TDRD15: variants seen among roughly 807,000 people sequenced by gnomAD.
TDRD15 encodes the protein tudor domain containing 15.
For missense variants in TDRD15, 1,416 were observed against 904.7 expected (o/e 1.57, Z -7.25); for synonymous variants, 503 against 314.5 (o/e 1.60, Z -6.34).
intron 2 of TDRD15, among the ~76,000 whole-genome samples, chr2:21,132,237 G>A: frequency 6.6e-6 from 1 of 152,146 alleles, no homozygotes; most frequent in East Asian, 1.9e-4. Context: ...TGGTGGTGGT[G>A]ATGGTTAGCT....
At chr2:21,135,138 ATATT>A (rs1026891339) in intron 3 of TDRD15, among the ~76,000 whole-genome samples, 14 of 143,098 alleles carry the variant, frequency 9.8e-5, no homozygotes, top group Non-Finnish European at 4.5e-5. Flanking sequence ...TAAATATTAT[ATATT>A]TATATAATAT....
At chr2:21,136,169 G>T (rs1665803626) in intron 3 of TDRD15, among the ~76,000 whole-genome samples, 1 of 151,910 alleles carries the variant, frequency 6.6e-6, no homozygotes, top group African/African-American at 2.4e-5. Flanking sequence ...TTCATGTAAG[G>T]AATTAATGGG....
Position 21,138,980 on chromosome 2 carries a change from C to G in TDRD15, c.1513C>G (p.Arg505Gly). The G allele has an allele frequency of 1.4e-6, 1 of 712,358 alleles. No individual in the cohort carries two copies. The highest frequency in any genetic ancestry group is 2.6e-6 in the Non-Finnish European group (1 of 383,202). 44.1% of individuals were successfully genotyped at this position (712,358 alleles called of 1,614,324 possible). Residue 505 changes from arginine to glycine, a missense_variant, in exon 4 of 4, where the codon CGG becomes GGG. Transcript: ENST00000405799. Reference sequence around the variant, plus strand: ...TTTCTGGGTACGCACTAATGACCATCGGAATGAATTTCAAGAAATAATGAA... The same window carrying G: ...TTTCTGGGTACGCACTAATGACCATGGGAATGAATTTCAAGAAATAATGAA... ...SNFWVRTNDH[R>G]NEFQEIMKNI...
rs1665868736 is a variant in TDRD15, at chr2:21,139,075, AT to A, written c.1612del (p.Cys538ValfsTer42). 1 of 715,398 alleles carries A rather than the reference AT, an allele frequency of 1.4e-6. No homozygotes were observed. The highest frequency in any genetic ancestry group is 2.0e-5 in the Admixed American group (1 of 49,824). 44.3% of individuals were successfully genotyped at this position (715,398 alleles called of 1,614,324 possible). ...TTCTAAGAAAACCTGAACCTGGATT[AT>A]TTTGTTGTGCTAGATATAGCAAGGA... The part of the protein sequence containing the change: ...MILRKPEPGL[F>X]CCARYSKDRR... On this transcript the variant is annotated frameshift_variant, in exon 4 of 4. Transcript: ENST00000405799. LOFTEE classifies it low-confidence loss of function (END_TRUNC).
intron 2 of TDRD15, among the ~76,000 whole-genome samples, chr2:21,134,053 G>A (rs1043063036): frequency 1.3e-5 from 2 of 151,842 alleles, no homozygotes; most frequent in Non-Finnish European, 2.9e-5. Flanking sequence ...TGTGTTTCTA[G>A]TGGACTTTAC....
rs1256665296 is a variant in TDRD15, at chr2:21,143,959, A to G, written c.*687A>G. Among the ~76,000 whole-genome samples, 1 of 151,784 alleles carries G rather than the reference A, an allele frequency of 6.6e-6. No individual in the cohort carries two copies. ...GCATGACGTTTCACAAATAATTTCA[A>G]GGGTTTCATAAAACTCCTAAATGTC... On this transcript the variant is annotated 3_prime_UTR_variant, in exon 4 of 4. Transcript: ENST00000405799.
At chr2:21,131,275 A>C (rs1665713280) in intron 2 of TDRD15, among the ~76,000 whole-genome samples, 1 of 152,218 alleles carries the variant, frequency 6.6e-6, no homozygotes, top group South Asian at 2.1e-4. Flanking sequence ...TAATATGTCG[A>C]CATATGGAAG....
chr2:21,141,252 C>A lies in TDRD15; in HGVS notation c.3785C>A (p.Ser1262Tyr). The part of the protein sequence containing the change: ...GQKSVKVVSQ[S>Y]FIRALNQTTS... ...AAATCAGTAAAGGTTGTATCACAGT[C>A]TTTTATCAGAGCATTAAATCAAACA... is the stretch of plus-strand genomic sequence containing the variant. The change falls in exon 4 of 4, where the codon TCT becomes TAT. Residue 1262 changes from serine to tyrosine, a missense_variant. Transcript: ENST00000405799. The A allele has an allele frequency of 1.4e-6, 1 of 712,618 alleles. No individual in the cohort carries two copies. Among genetic ancestry groups the A allele is most frequent in the Non-Finnish European group, 2.6e-6 (1 of 383,042 alleles). The allele number at this position is 712,618 out of a possible 1,614,324, so 44.1% of individuals were successfully genotyped here. A position where few individuals can be genotyped will look rare whatever the true frequency, so the allele number is the denominator to read the frequency against.
Position 21,142,763 on chromosome 2 carries a change from C to T in TDRD15, c.5296C>T (p.Leu1766Phe), listed in dbSNP as rs542885496. The T allele has an allele frequency of 2.8e-6, 2 of 714,194 alleles. No homozygotes were observed. Among genetic ancestry groups the T allele is most frequent in the East Asian group, 2.7e-5 (1 of 37,172 alleles). The allele number at this position is 714,194 out of a possible 1,614,324, so 44.2% of individuals were successfully genotyped here. ...CATAATGAAATACCTTTTTATGTTG[C>T]TTTCTGATCTACCAGAGACCTTACA... ...FDIMKYLFMLLSDLPETLQTL... is the reference protein window; with the variant it reads ...FDIMKYLFMLFSDLPETLQTL... Residue 1766 changes from leucine (L) to phenylalanine (F), a missense_variant, in exon 4 of 4, where the codon CTT (leucine) becomes TTT (phenylalanine). Coordinates refer to ENST00000405799, the MANE Select transcript of TDRD15 (RefSeq NM_001306137.2).
intron 2 of TDRD15, among the ~76,000 whole-genome samples, chr2:21,132,573 G>T (rs1255995171): frequency 6.6e-6 from 1 of 152,016 alleles, no homozygotes; most frequent in Non-Finnish European, 1.5e-5. Flanking sequence ...TGATAGTGGG[G>T]TCATGGATGA....
intron 1 of TDRD15, among the ~76,000 whole-genome samples, chr2:21,125,243 T>C (rs1177882962): frequency 6.8e-6 from 1 of 147,872 alleles, no homozygotes; most frequent in Non-Finnish European, 1.5e-5. Flanking sequence ...CAATGCCAGG[T>C]TGTGTGTGAG....
Position 21,138,462 on chromosome 2 carries a change from T to C in TDRD15, c.995T>C (p.Ile332Thr). 1.4e-6 allele frequency: 1 copy of C among 714,822 alleles called. No homozygotes were observed. Among genetic ancestry groups the C allele is most frequent in the Admixed American group, 2.0e-5 (1 of 49,656 alleles). 44.3% of individuals were successfully genotyped at this position (714,822 alleles called of 1,614,324 possible). A position where few individuals can be genotyped will look rare whatever the true frequency, so the allele number is the denominator to read the frequency against. ...WFMDYGSSEAIPSIYVKKLKQ... is the reference protein window; with the variant it reads ...WFMDYGSSEATPSIYVKKLKQ... The stretch of plus-strand genomic sequence containing the variant: ...ATGGATTATGGCAGTAGCGAGGCTA[T>C]ACCCTCAATTTATGTAAAGAAACTT... The change falls in exon 4 of 4, where the codon ATA (isoleucine) becomes ACA (threonine). Residue 332 changes from isoleucine to threonine, a missense_variant. Physicochemically the swap from Ile to Thr is moderately conservative, Grantham distance 89 (BLOSUM62 -1). Transcript: ENST00000405799.
At chr2:21,131,898 A>G (rs1035519194) in intron 2 of TDRD15, among the ~76,000 whole-genome samples, 3 of 152,194 alleles carry the variant, frequency 2.0e-5, no homozygotes, top group Admixed American at 6.5e-5. Context: ...ATGTGTCCTG[A>G]GAACAAAGGT....
At position 21,142,229 on chromosome 2, in the gene TDRD15, A is replaced by T. The variant is rs1190324241; in HGVS notation, c.4762A>T (p.Thr1588Ser). ...GLECLAKSKN[T>S]LKWHRSKVEE... is the part of the protein sequence containing the mutation. ...AGAATGCTTGGCAAAATCTAAAAAT[A>T]CCTTGAAATGGCATCGATCAAAAGT... The change falls in exon 4 of 4, where the codon ACC becomes TCC. Residue 1588 changes from threonine to serine, a missense_variant. Physicochemically the swap from Thr to Ser is moderately conservative, Grantham distance 58 (BLOSUM62 1). Coordinates refer to ENST00000405799, the MANE Select transcript of TDRD15 (RefSeq NM_001306137.2). 1 of 693,978 alleles carries T rather than the reference A, an allele frequency of 1.4e-6. No individual in the cohort carries two copies. The highest frequency in any genetic ancestry group is 2.3e-5 in the Admixed American group (1 of 43,074). The allele number at this position is 693,978 out of a possible 1,614,324, so 43.0% of individuals were successfully genotyped here. A position where few individuals can be genotyped will look rare whatever the true frequency, so the allele number is the denominator to read the frequency against.
At position 21,141,051 on chromosome 2, in the gene TDRD15, T is replaced by C. The variant is rs1317394464; in HGVS notation, c.3584T>C (p.Ile1195Thr). Reference sequence around the variant, plus strand: ...CCAGTAACATATTCCGAAAGAAAAATAGACCAATTGATGCATCCCAAAAAT... The same window carrying C: ...CCAGTAACATATTCCGAAAGAAAAACAGACCAATTGATGCATCCCAAAAAT... Reference protein sequence around the residue: ...PSPVTYSERKIDQLMHPKNIH... With the variant: ...PSPVTYSERKTDQLMHPKNIH... Residue 1195 changes from isoleucine (I) to threonine (T), a missense_variant, in exon 4 of 4, where the codon ATA (isoleucine) becomes ACA (threonine). Transcript: ENST00000405799. 2.8e-6 allele frequency: 2 copies of C among 706,754 alleles called. No individual in the cohort carries two copies. The highest frequency in any genetic ancestry group is 5.2e-6 in the Non-Finnish European group (2 of 381,772). The allele number at this position is 706,754 out of a possible 1,614,324, so 43.8% of individuals were successfully genotyped here.
chr2:21,141,671 C>A lies in TDRD15; in HGVS notation c.4204C>A (p.Pro1402Thr). Residue 1402 changes from proline to threonine, a missense_variant, in exon 4 of 4, where the codon CCT becomes ACT. Coordinates refer to ENST00000405799, the MANE Select transcript of TDRD15 (RefSeq NM_001306137.2). The part of the protein sequence containing the change: ...YELQREFLTV[P>T]QLGIHAFLSG... ...ACTTCAGAGGGAATTTTTAACTGTTCCTCAGCTAGGAATCCATGCTTTTCT... is the reference window on the plus strand; with the variant it reads ...ACTTCAGAGGGAATTTTTAACTGTTACTCAGCTAGGAATCCATGCTTTTCT... 1 of 715,166 alleles carries A rather than the reference C, an allele frequency of 1.4e-6. No homozygotes were observed. The highest frequency in any genetic ancestry group is 1.5e-5 in the South Asian group (1 of 67,452). The allele number at this position is 715,166 out of a possible 1,614,324, so 44.3% of individuals were successfully genotyped here. A position where few individuals can be genotyped will look rare whatever the true frequency, so the allele number is the denominator to read the frequency against.
In TDRD15 at chr2:21,142,735, T is replaced by C. The variant is rs1231012432; in HGVS notation, c.5268T>C (p.Phe1756=). Residue 1756 remains phenylalanine, a synonymous_variant, in exon 4 of 4, where the codon TTT becomes TTC. Coordinates refer to ENST00000405799, the MANE Select transcript of TDRD15 (RefSeq NM_001306137.2). ...TCAGTATTCAGTTAGAAGATTTCTT[T>C]GACATAATGAAATACCTTTTTATGT... The part of the protein sequence containing the change: ...SDFSIQLEDF[F]DIMKYLFMLL... 2 of 713,312 alleles carry C rather than the reference T, an allele frequency of 2.8e-6. No individual in the cohort carries two copies. The highest frequency in any genetic ancestry group is 5.2e-6 in the Non-Finnish European group (2 of 383,222). 44.2% of individuals were successfully genotyped at this position (713,312 alleles called of 1,614,324 possible).
At chr2:21,128,367 G>T (rs1419997525) in intron 2 of TDRD15, among the ~76,000 whole-genome samples, 3 of 149,866 alleles carry the variant, frequency 2.0e-5, no homozygotes, top group Non-Finnish European at 4.4e-5. Flanking sequence ...CTGTCGCCCA[G>T]GCTGGAGTGC....
Position 21,141,259 on chromosome 2 carries a change from C to T in TDRD15, c.3792C>T (p.Ile1264=), listed in dbSNP as rs752734032. The T allele has an allele frequency of 1.4e-6, 1 of 712,316 alleles. No individual in the cohort carries two copies. Among genetic ancestry groups the T allele is most frequent in the Non-Finnish European group, 2.6e-6 (1 of 382,886 alleles). The allele number at this position is 712,316 out of a possible 1,614,324, so 44.1% of individuals were successfully genotyped here. A position where few individuals can be genotyped will look rare whatever the true frequency, so the allele number is the denominator to read the frequency against. The change falls in exon 4 of 4, where the codon ATC becomes ATT. Residue 1264 remains isoleucine (I), a synonymous_variant. Coordinates refer to ENST00000405799, the MANE Select transcript of TDRD15 (RefSeq NM_001306137.2). ...TAAAGGTTGTATCACAGTCTTTTAT[C>T]AGAGCATTAAATCAAACAACCTCAC... ...KSVKVVSQSF[I]RALNQTTSQN...
Sources: allele counts gnomAD v4.1 joint callset (sites outside exome capture counted in the v4.1 genomes callset), GRCh38; gene constraint gnomAD v4.1.1; transcripts MANE v1.5; gene names NCBI Gene and HGNC (gene_info 2026-07-23, HGNC 2026-07-21).